COL21A1: variants seen among roughly 807,000 people sequenced by gnomAD.
The protein encoded by COL21A1 is collagen alpha-1(XXI) chain.
Under a neutral mutation model 137.9 loss-of-function variants are expected in COL21A1, and 149 were observed. That is an observed-to-expected ratio of 1.08 (90% confidence interval 0.95 to 1.24). The LOEUF (loss-of-function observed/expected upper bound fraction) is 1.24. COL21A1 is among the 50% of genes most tolerant of loss of function. The probability of loss-of-function intolerance (pLI) is 0.00; values close to 1 mark genes in which losing one functional copy is unlikely to be tolerated. For missense variants in COL21A1, 1,167 were observed against 1,158.4 expected (o/e 1.01, Z -0.11); for synonymous variants, 456 against 391.5 (o/e 1.16, Z -1.95).
chr6:56,064,626 T>C lies in COL21A1; in HGVS notation c.2128-4A>G. ...TTCCATTTTCTCCCTTTTGACCCTT[T>C]AAAATAAAAAAAAACATTATTGATT... On this transcript the variant is annotated splice_region_variant and splice_polypyrimidine_tract_variant and intron_variant, in intron 23 of 29. Coordinates refer to ENST00000244728, the MANE Select transcript of COL21A1 (RefSeq NM_030820.4). 1 of 1,572,938 alleles carries C rather than the reference T, an allele frequency of 6.4e-7. No individual in the cohort carries two copies. The highest frequency in any genetic ancestry group is 8.6e-7 in the Non-Finnish European group (1 of 1,157,566).
intron 16 of COL21A1, among the ~76,000 whole-genome samples, chr6:56,123,162 TTTCTA>T (rs1453406366): frequency 6.6e-6 from 1 of 152,226 alleles, no homozygotes. Context: ...ATATGTCTAG[TTTCTA>T]ATAAATATCA....
At chr6:56,229,696 G>T (rs1781427024) in intron 1 of COL21A1, among the ~76,000 whole-genome samples, 1 of 151,896 alleles carries the variant, frequency 6.6e-6, no homozygotes, top group Non-Finnish European at 1.5e-5. Context: ...AGGGTAAAGA[G>T]CTCTGGAGGT....
chr6:56,101,420 C>T (rs957623699), intron 17 of COL21A1, 52 bp downstream of exon 17: 29 of 1,355,298 alleles, frequency 2.1e-5, no homozygotes, highest in East Asian at 7.3e-5. Context: ...AAAAGGATTT[C>T]GTAACAGGAA....
chr6:56,099,853 A>G (rs62411453), intron 17 of COL21A1, among the ~76,000 whole-genome samples: 23,120 of 152,058 alleles, frequency 0.15, 1,785 homozygotes, highest in Middle Eastern at 0.22. Context: ...GCTTATTAAT[A>G]CCCTAGTCGA....
chr6:56,146,899 A>C (rs1347606088), intron 10 of COL21A1, among the ~76,000 whole-genome samples: 1 of 152,164 alleles, frequency 6.6e-6, no homozygotes, highest in Non-Finnish European at 1.5e-5. Context: ...AAAGGTAAAC[A>C]GTGGATAGAT....
intron 1 of COL21A1, among the ~76,000 whole-genome samples, chr6:56,390,358 G>T (rs1350706811): frequency 6.6e-6 from 1 of 151,988 alleles, no homozygotes; most frequent in Non-Finnish European, 1.5e-5. Flanking sequence ...AAAAATGCAA[G>T]AAATTAAAAC....
intron 1 of COL21A1, among the ~76,000 whole-genome samples, chr6:56,298,347 C>T (rs1042930967): frequency 2.6e-5 from 4 of 151,900 alleles, no homozygotes; most frequent in African/African-American, 7.3e-5. Context: ...AGGGTGGTGT[C>T]GTGTATCATT....
At chr6:56,386,966 G>C (rs962988710) in intron 1 of COL21A1, among the ~76,000 whole-genome samples, 1 of 152,178 alleles carries the variant, frequency 6.6e-6, no homozygotes, top group African/African-American at 2.4e-5. Flanking sequence ...AAAATGAAAG[G>C]GTTAGGCCAG....
At chr6:56,294,592 GC>G (rs1250561043) in intron 1 of COL21A1, among the ~76,000 whole-genome samples, 5 of 151,984 alleles carry the variant, frequency 3.3e-5, no homozygotes, top group Admixed American at 2.0e-4. Flanking sequence ...ACTAACGATA[GC>G]CCATAATTTA....
At chr6:56,079,024 T>C in intron 17 of COL21A1, among the ~76,000 whole-genome samples, 1 of 151,796 alleles carries the variant, frequency 6.6e-6, no homozygotes, top group South Asian at 2.1e-4. Context: ...GCAGAAAATG[T>C]ATATTCTCAA....
chr6:56,299,778 T>C (rs1467886127), intron 1 of COL21A1, among the ~76,000 whole-genome samples: 1 of 152,136 alleles, frequency 6.6e-6, no homozygotes, highest in South Asian at 2.1e-4. Context: ...AAGGTCTCTA[T>C]GTTCCTTCTA....
chr6:56,172,860 T>C (rs1198842375), intron 3 of COL21A1, among the ~76,000 whole-genome samples: 2 of 152,162 alleles, frequency 1.3e-5, no homozygotes, highest in Admixed American at 6.5e-5. Context: ...AATTACATGA[T>C]GTTTCATGTA....
intron 1 of COL21A1, among the ~76,000 whole-genome samples, chr6:56,327,753 C>G (rs754518763): frequency 1.3e-5 from 2 of 152,178 alleles, no homozygotes; most frequent in African/African-American, 4.8e-5. Flanking sequence ...TACTCCTGGG[C>G]AACTCATTGT....
intron 1 of COL21A1, among the ~76,000 whole-genome samples, chr6:56,316,477 C>CATTTTTT (rs1764738791): frequency 1.3e-5 from 1 of 75,786 alleles, no homozygotes; most frequent in African/African-American, 5.0e-5. Flanking sequence ...TCTAAATAGA[C>CATTTTTT]TTTTTTTTTT....
At position 56,059,260 on chromosome 6, in the gene COL21A1, T is replaced by G; in HGVS notation, c.2609-18A>C. On this transcript the variant is annotated intron_variant, in intron 28 of 29. Transcript: ENST00000244728. ...TGGTAGGCCTGCAGGGTGTCAAACA[T>G]CTGAGTAAGTTTACTTAAAATCACT... 6.4e-7 allele frequency: 1 copy of G among 1,557,074 alleles called. No individual in the cohort carries two copies. The highest frequency in any genetic ancestry group is 1.2e-5 in the South Asian group (1 of 84,088).
chr6:56,202,513 ATCTTTTTC>A lies in COL21A1; in HGVS notation c.-38-19865_-38-19858del, dbSNP rs144084127. Among the ~76,000 whole-genome samples, 1,252 of 152,270 alleles carry A rather than the reference ATCTTTTTC, an allele frequency of 8.2e-3. 21 individuals are homozygous for A. The highest frequency in any genetic ancestry group is 0.029 in the African/African-American group (1,207 of 41,562). On this transcript the variant is annotated intron_variant, in intron 1 of 29. Coordinates refer to ENST00000244728, the MANE Select transcript of COL21A1 (RefSeq NM_030820.4). ...CCTCAATAAATGTTGGTTTAATTCGATCTTTTTCTACTTCCAGCATCTCTTCTATCATC... is the reference window on the plus strand; with the variant it reads ...CCTCAATAAATGTTGGTTTAATTCGATACTTCCAGCATCTCTTCTATCATC...
At chr6:56,373,723 A>G (rs1263659029) in intron 1 of COL21A1, among the ~76,000 whole-genome samples, 2 of 152,226 alleles carry the variant, frequency 1.3e-5, no homozygotes, top group East Asian at 1.9e-4. Context: ...TAACATATGC[A>G]TTACCTCACA....
At chr6:56,386,600 GTTT>G (rs869217165) in intron 1 of COL21A1, among the ~76,000 whole-genome samples, 1 of 137,200 alleles carries the variant, frequency 7.3e-6, no homozygotes, top group East Asian at 2.6e-4. Flanking sequence ...TGTTGTTGTT[GTTT>G]TTTTTTAAGT....
At chr6:56,384,332 T>C (rs1350006609) in intron 1 of COL21A1, among the ~76,000 whole-genome samples, 2 of 152,232 alleles carry the variant, frequency 1.3e-5, no homozygotes, top group African/African-American at 2.4e-5. Context: ...GCATGGGTTT[T>C]CCTTCTCCCC....
Sources: gnomAD v4.1 joint callset for allele counts (sites outside exome capture counted in the v4.1 genomes callset) on GRCh38, gnomAD v4.1.1 for gene constraint, MANE v1.5 for transcripts, NCBI Gene and HGNC (gene_info 2026-07-23, HGNC 2026-07-21) for gene names.